The following BBS9 variants were observed in gnomAD, a reference collection of about 807,000 sequenced individuals.
The protein encoded by BBS9 is Bardet-Biedl syndrome 9.
Under a neutral mutation model 117.7 loss-of-function variants are expected in BBS9, and 89 were observed. The ratio of observed to expected loss-of-function variants is 0.76; its 90% CI spans 0.64 to 0.90. The LOEUF is 0.90. Ranked by LOEUF, BBS9 falls within the 40% of genes least tolerant of loss-of-function variation. The pLI is 0.00. For synonymous variants in BBS9, 379 were observed against 370.9 expected (o/e 1.02, Z -0.25); for missense variants, 982 against 1,042.2 (o/e 0.94, Z 0.80).
intron 19 of BBS9, among the ~76,000 whole-genome samples, chr7:33,416,215 C>G (rs761640554): frequency 1.5e-4 from 23 of 151,620 alleles, no homozygotes; most frequent in Admixed American, 2.6e-4. Context: ...CTTGAAAAAT[C>G]AGTAGCCCTG....
intron 21 of BBS9, 52 bp downstream of exon 21, chr7:33,534,228 G>A (rs777057078): frequency 1.9e-6 from 3 of 1,551,892 alleles, no homozygotes; most frequent in Non-Finnish European, 2.7e-6. Context: ...TCCTAAATTA[G>A]AGGAATGTGC....
At chr7:33,489,099 TC>T (rs1178808166) in intron 19 of BBS9, among the ~76,000 whole-genome samples, 1 of 151,124 alleles carries the variant, frequency 6.6e-6, no homozygotes, top group Non-Finnish European at 1.5e-5. Flanking sequence ...TTCAAGCAAT[TC>T]TCCTGCCTCA....
rs1584372302 is a variant in BBS9 at position 33,333,416 on chromosome 7, T to C, written c.1017-3025T>C. On this transcript the variant is annotated intron_variant, in intron 9 of 22. Coordinates refer to ENST00000242067, the MANE Select transcript of BBS9 (RefSeq NM_198428.3). ...CTTTTTATGGCTGAGTTGTGTTCCA[T>C]GGTGTGTATACACATTTTCTTTATC... is the stretch of plus-strand genomic sequence containing the variant. 1.3e-5 allele frequency among the ~76,000 whole-genome samples: 2 copies of C among 152,338 alleles called. 1 individual carries two copies. Among genetic ancestry groups the C allele is most frequent in the Middle Eastern group, 6.8e-3 (2 of 294 alleles).
At chr7:33,489,287 C>G (rs1843568717) in intron 19 of BBS9, among the ~76,000 whole-genome samples, 1 of 150,824 alleles carries the variant, frequency 6.6e-6, no homozygotes, top group African/African-American at 2.4e-5. Context: ...AGCCACTGCA[C>G]CCGGCCAGGA....
At chr7:33,259,058 T>C (rs1428545102) in intron 6 of BBS9, among the ~76,000 whole-genome samples, 1 of 152,194 alleles carries the variant, frequency 6.6e-6, no homozygotes, top group African/African-American at 2.4e-5. Context: ...TTAAGTCGTA[T>C]GTTGTACTTA....
chr7:33,338,423 C>G (rs1815826583), intron 10 of BBS9, among the ~76,000 whole-genome samples: 1 of 151,842 alleles, frequency 6.6e-6, no homozygotes, highest in South Asian at 2.1e-4. Flanking sequence ...TTTTGATGAC[C>G]CCATTATTCA....
At chr7:33,265,826 G>C (rs1444459387) in intron 7 of BBS9, among the ~76,000 whole-genome samples, 1 of 152,050 alleles carries the variant, frequency 6.6e-6, no homozygotes, top group Non-Finnish European at 1.5e-5. Flanking sequence ...CTGGGTGACA[G>C]AGCAAGACTC....
At chr7:33,197,884 G>A (rs1198519113) in intron 5 of BBS9, among the ~76,000 whole-genome samples, 2 of 151,828 alleles carry the variant, frequency 1.3e-5, no homozygotes, top group Admixed American at 6.6e-5. Context: ...ATATTGGTAG[G>A]CATGCTTTTT....
chr7:33,372,272 G>A (rs900882027), intron 17 of BBS9, among the ~76,000 whole-genome samples: 1 of 152,086 alleles, frequency 6.6e-6, no homozygotes, highest in Admixed American at 6.6e-5. Flanking sequence ...AGAAAATGAG[G>A]TATCACAGTT....
chr7:33,146,120 A>G, intron 1 of BBS9, 122 bp from the exon 2 acceptor site: 1 of 706,216 alleles, frequency 1.4e-6, no homozygotes, highest in East Asian at 2.8e-5. Flanking sequence ...TGTGTACAAA[A>G]TATTAAAAAG....
At chr7:33,132,954 T>G (rs185988921) in intron 1 of BBS9, among the ~76,000 whole-genome samples, 104 of 152,308 alleles carry the variant, frequency 6.8e-4, no homozygotes, top group African/African-American at 2.4e-3. Context: ...TAATTTTTAT[T>G]TTTTCTGCCA....
intron 18 of BBS9, among the ~76,000 whole-genome samples, chr7:33,385,659 G>A (rs547672100): frequency 6.6e-6 from 1 of 151,998 alleles, no homozygotes; most frequent in South Asian, 2.1e-4. Context: ...AAGAATTTAG[G>A]AAATAAATTA....
At chr7:33,619,871 A>G (rs1048790784) in intron 21 of BBS9, among the ~76,000 whole-genome samples, 1 of 152,180 alleles carries the variant, frequency 6.6e-6, no homozygotes, top group African/African-American at 2.4e-5. Flanking sequence ...AGGAAAGTTT[A>G]TAGCAATAAA....
chr7:33,434,924 G>A (rs1209809748), intron 19 of BBS9, among the ~76,000 whole-genome samples: 1 of 152,040 alleles, frequency 6.6e-6, no homozygotes, highest in African/African-American at 2.4e-5. Flanking sequence ...CAAAGAAAAT[G>A]TTTAAATTAA....
intron 19 of BBS9, among the ~76,000 whole-genome samples, chr7:33,457,261 C>A (rs1257715930): frequency 6.6e-6 from 1 of 152,068 alleles, no homozygotes; most frequent in Non-Finnish European, 1.5e-5. Flanking sequence ...TGGCAAGAGA[C>A]CACATATTTT....
chr7:33,508,093 T>G (rs2129019290), intron 20 of BBS9, among the ~76,000 whole-genome samples: 1 of 152,374 alleles, frequency 6.6e-6, no homozygotes, highest in African/African-American at 2.4e-5. Context: ...ATTTTGTAGC[T>G]TGTACTTACA....
chr7:33,451,255 G>A (rs1837819211), intron 19 of BBS9, among the ~76,000 whole-genome samples: 1 of 152,058 alleles, frequency 6.6e-6, no homozygotes, highest in Admixed American at 6.6e-5. Flanking sequence ...TGGTGTCATA[G>A]CCAATAAGTC....
chr7:33,520,309 G>A (rs897640399), intron 20 of BBS9, among the ~76,000 whole-genome samples: 24 of 152,134 alleles, frequency 1.6e-4, no homozygotes, highest in African/African-American at 5.8e-4. Context: ...ACTGTGCCCG[G>A]CCCCAAAATA....
Position 33,182,831 on chromosome 7 carries a change from G to A in BBS9, c.442+5240G>A, listed in dbSNP as rs117637566. ...TTCAGTTTCTAGCCTTAATAAACAGGTATAGGTGGAAGGCGAAACAGATCC... is the reference window on the plus strand; with the variant it reads ...TTCAGTTTCTAGCCTTAATAAACAGATATAGGTGGAAGGCGAAACAGATCC... On this transcript the variant is annotated intron_variant, in intron 5 of 22. Coordinates refer to ENST00000242067, the MANE Select transcript of BBS9 (RefSeq NM_198428.3). 7.8e-3 allele frequency among the ~76,000 whole-genome samples: 1,187 copies of A among 152,224 alleles called. 5 individuals are homozygous for A. The highest frequency in any genetic ancestry group is 0.027 in the Middle Eastern group (8 of 294).
Sources: gnomAD v4.1 joint callset for allele counts (sites outside exome capture counted in the v4.1 genomes callset) on GRCh38, gnomAD v4.1.1 for gene constraint, MANE v1.5 for transcripts, NCBI Gene and HGNC (gene_info 2026-07-23, HGNC 2026-07-21) for gene names.